TRDN: variants seen among roughly 807,000 people sequenced by gnomAD.
TRDN encodes triadin in skeletal muscle.
A neutral mutation model predicts 149.7 loss-of-function variants in TRDN; 161 were observed. That is an observed-to-expected ratio of 1.08 (90% confidence interval 0.95 to 1.23). TRDN has a LOEUF of 1.23. TRDN is among the 50% of genes most tolerant of loss of function. TRDN has a pLI of 0.00. For synonymous variants in TRDN, 294 were observed against 250.5 expected, an observed-to-expected ratio of 1.17 and a Z score of -1.64; for missense variants, 896 against 823.5, an observed-to-expected ratio of 1.09 and a Z score of -1.08.
chr6:123,310,672 T>A (rs9388215), intron 24 of TRDN, among the ~76,000 whole-genome samples: 26,823 of 151,872 alleles, frequency 0.18, 3,317 homozygotes, highest in East Asian at 0.6. Flanking sequence ...TGGCTTTTTT[T>A]AAAATGTCAC....
At chr6:123,251,212 T>G (rs1776359864) in intron 38 of TRDN, among the ~76,000 whole-genome samples, 1 of 152,112 alleles carries the variant, frequency 6.6e-6, no homozygotes, top group Non-Finnish European at 1.5e-5. Context: ...TCACCTGTAA[T>G]CAAAGACCTT....
At chr6:123,411,015 A>G (rs1267317976) in intron 12 of TRDN, among the ~76,000 whole-genome samples, 1 of 149,852 alleles carries the variant, frequency 6.7e-6, no homozygotes, top group Non-Finnish European at 1.5e-5. Flanking sequence ...CTGTTATTCA[A>G]TAAGTTTTGT....
chr6:123,245,050 G>T (rs1449435977), intron 38 of TRDN, among the ~76,000 whole-genome samples: 1 of 152,142 alleles, frequency 6.6e-6, no homozygotes, highest in Non-Finnish European at 1.5e-5. Context: ...AATGCTGAGG[G>T]ATTTTGTCAC....
At chr6:123,561,018 T>C (rs953092972) in intron 2 of TRDN, among the ~76,000 whole-genome samples, 1 of 152,150 alleles carries the variant, frequency 6.6e-6, no homozygotes, top group African/African-American at 2.4e-5. Context: ...GACTGGCAAA[T>C]TGACTTTACT....
intron 38 of TRDN, among the ~76,000 whole-genome samples, chr6:123,242,150 A>G (rs946801894): frequency 6.6e-6 from 1 of 152,094 alleles, no homozygotes; most frequent in South Asian, 2.1e-4. Flanking sequence ...TTCCCGCAGC[A>G]TTGTTTGCCT....
intron 1 of TRDN, among the ~76,000 whole-genome samples, chr6:123,605,979 C>T (rs1784512307): frequency 6.6e-6 from 1 of 152,168 alleles, no homozygotes; most frequent in South Asian, 2.1e-4. Context: ...GGAAGCCAAG[C>T]CAATGATCAT....
At chr6:123,593,230 GA>G (rs1309727363) in intron 1 of TRDN, among the ~76,000 whole-genome samples, 2 of 152,222 alleles carry the variant, frequency 1.3e-5, no homozygotes, top group African/African-American at 4.8e-5. Context: ...CAGTGAAACT[GA>G]AAATCATCAC....
At chr6:123,300,268 A>C (rs1243763681) in intron 24 of TRDN, among the ~76,000 whole-genome samples, 3 of 152,010 alleles carry the variant, frequency 2.0e-5, no homozygotes, top group Non-Finnish European at 2.9e-5. Flanking sequence ...ATTCCCATAA[A>C]GTACATAAGC....
At chr6:123,435,193 T>G (rs1774501801) in intron 12 of TRDN, among the ~76,000 whole-genome samples, 2 of 151,618 alleles carry the variant, frequency 1.3e-5, no homozygotes, top group Non-Finnish European at 2.9e-5. Flanking sequence ...ACTCATATAT[T>G]AAATAAGCAT....
chr6:123,224,004 G>C (rs1775260218), intron 39 of TRDN, 89 bp downstream of exon 39: 1 of 1,212,976 alleles, frequency 8.2e-7, no homozygotes, highest in African/African-American at 1.8e-5. Context: ...ACTAGATCAA[G>C]AATAGCTAGG....
At chr6:123,472,668 A>G (rs1382141392) in intron 9 of TRDN, among the ~76,000 whole-genome samples, 1 of 152,234 alleles carries the variant, frequency 6.6e-6, no homozygotes, top group Admixed American at 6.5e-5. Context: ...ACCTCTGCAG[A>G]CTTAAATGTC....
chr6:123,282,797 A>G (rs1777632092), intron 24 of TRDN, among the ~76,000 whole-genome samples: 1 of 151,934 alleles, frequency 6.6e-6, no homozygotes, highest in South Asian at 2.1e-4. Flanking sequence ...TTGTCAAGAC[A>G]ATATAAGTCA....
intron 24 of TRDN, among the ~76,000 whole-genome samples, chr6:123,302,592 C>T (rs1778468050): frequency 6.6e-6 from 1 of 151,978 alleles, no homozygotes; most frequent in Admixed American, 6.6e-5. Flanking sequence ...AGTCATTCAA[C>T]AGATAGGGAT....
intron 23 of TRDN, among the ~76,000 whole-genome samples, chr6:123,322,669 G>A (rs1012003359): frequency 1.4e-5 from 2 of 147,960 alleles, no homozygotes; most frequent in African/African-American, 5.0e-5. Context: ...TTGAGACGGA[G>A]TCTCACTGTC....
chr6:123,447,385 A>T (rs1322162888), intron 10 of TRDN, among the ~76,000 whole-genome samples: 5 of 152,200 alleles, frequency 3.3e-5, no homozygotes, highest in African/African-American at 1.2e-4. Flanking sequence ...CATAATTACA[A>T]TAAGGACTTT....
At position 123,357,464 on chromosome 6, in the gene TRDN, A is replaced by T. The variant is rs183742502; in HGVS notation, c.1322-4878T>A. On this transcript the variant is annotated intron_variant, in intron 20 of 40. Coordinates refer to ENST00000334268, the MANE Select transcript of TRDN (RefSeq NM_006073.4). ...TGAGCAGAGGATTTCCAGAGAGGAG[A>T]TAAGGGATAGTCTAAAAATAGAGAA... Among the ~76,000 whole-genome samples, 3 of 152,224 alleles carry T rather than the reference A, an allele frequency of 2.0e-5. No individual in the cohort carries two copies. In the East Asian group the frequency reaches 5.8e-4, roughly 29 times the overall value.
chr6:123,269,638 A>C (rs1219907067), intron 31 of TRDN, among the ~76,000 whole-genome samples: 1 of 151,966 alleles, frequency 6.6e-6, no homozygotes, highest in African/African-American at 2.4e-5. Context: ...TAATTGGTAG[A>C]TTGATTTAAC....
chr6:123,582,759 A>G (rs1274423926), intron 1 of TRDN, among the ~76,000 whole-genome samples: 1 of 152,142 alleles, frequency 6.6e-6, no homozygotes, highest in East Asian at 1.9e-4. Flanking sequence ...TATTAATAAG[A>G]AAAATAAAAT....
At chr6:123,571,213 T>G (rs1782561990) in intron 1 of TRDN, 81 bp from the exon 2 acceptor site, 1 of 1,440,372 alleles carries the variant, frequency 6.9e-7, no homozygotes. Flanking sequence ...ACTATATGAG[T>G]GCTGAACCTG....
Sources: allele counts gnomAD v4.1 joint callset (sites outside exome capture counted in the v4.1 genomes callset), GRCh38; gene constraint gnomAD v4.1.1; transcripts MANE v1.5; gene names NCBI Gene and HGNC (gene_info 2026-07-23, HGNC 2026-07-21).